The following ANTXR2 variants were observed in gnomAD, a reference collection of about 807,000 sequenced individuals.
ANTXR2 encodes anthrax toxin receptor 2.
In ANTXR2, 44 loss-of-function variants were observed where a neutral mutation model predicts 73.7. The ratio of observed to expected loss-of-function variants is 0.60; its 90% confidence interval spans 0.47 to 0.77. ANTXR2 has a LOEUF of 0.77. ANTXR2 is among the 30% of genes least tolerant of loss of function. The pLI is 0.00. For synonymous variants in ANTXR2, 217 were observed against 205.9 expected (o/e 1.05, Z -0.46); for missense variants, 604 against 592.5 (o/e 1.02, Z -0.20).
chr4:79,927,294 C>CCACACACACACACACACACACA (rs112013307), intron 16 of ANTXR2, among the ~76,000 whole-genome samples: 12 of 150,322 alleles, frequency 8.0e-5, no homozygotes, highest in South Asian at 4.2e-4. Context: ...GGAGCTCTTA[C>CCACACACACACACACACACACA]CACACACACA....
intron 12 of ANTXR2, among the ~76,000 whole-genome samples, chr4:80,004,084 A>G (rs1026658705): frequency 1.3e-5 from 2 of 152,114 alleles, no homozygotes; most frequent in African/African-American, 4.8e-5. Flanking sequence ...CAGTAAAAAC[A>G]GAGTGGACTA....
intron 16 of ANTXR2, among the ~76,000 whole-genome samples, chr4:79,951,597 A>AC (rs1560897144): frequency 1.3e-5 from 2 of 151,604 alleles, no homozygotes; most frequent in Admixed American, 6.6e-5. Context: ...ACAACAAAAA[A>AC]AAAAAAACAA....
At chr4:79,932,852 T>C (rs1303860209) in intron 16 of ANTXR2, among the ~76,000 whole-genome samples, 1 of 148,054 alleles carries the variant, frequency 6.8e-6, no homozygotes, top group Admixed American at 6.7e-5. Flanking sequence ...GAGAACTAGA[T>C]TAGTGAAGGA....
At chr4:80,033,948 C>T (rs1732830153) in intron 8 of ANTXR2, among the ~76,000 whole-genome samples, 1 of 152,048 alleles carries the variant, frequency 6.6e-6, no homozygotes, top group Non-Finnish European at 1.5e-5. Context: ...TCCCTACTCT[C>T]AGGTATTAAA....
chr4:79,944,835 G>T (rs549163514), intron 16 of ANTXR2, among the ~76,000 whole-genome samples: 1 of 152,188 alleles, frequency 6.6e-6, no homozygotes, highest in Admixed American at 6.6e-5. Flanking sequence ...TAGAGTTTGA[G>T]CTTTCAGCAT....
chr4:79,998,772 T>C (rs887335229), intron 12 of ANTXR2, among the ~76,000 whole-genome samples: 2 of 152,026 alleles, frequency 1.3e-5, no homozygotes, highest in African/African-American at 4.8e-5. Context: ...CTTAAACAGA[T>C]GTTAAGACAT....
intron 16 of ANTXR2, among the ~76,000 whole-genome samples, chr4:79,915,697 G>A (rs184365564): frequency 8.6e-5 from 13 of 151,978 alleles, no homozygotes; most frequent in Admixed American, 7.2e-4. Context: ...ACTGATATAA[G>A]GAGAGACTTG....
At chr4:80,014,920 TC>T (rs1731769395) in intron 11 of ANTXR2, among the ~76,000 whole-genome samples, 1 of 152,214 alleles carries the variant, frequency 6.6e-6, no homozygotes, top group Non-Finnish European at 1.5e-5. Flanking sequence ...TTGAAAATTC[TC>T]CAACCTTTTG....
chr4:80,046,785 T>G (rs1318883507), intron 7 of ANTXR2, among the ~76,000 whole-genome samples: 1 of 151,778 alleles, frequency 6.6e-6, no homozygotes, highest in Non-Finnish European at 1.5e-5. Flanking sequence ...ACCATACCCA[T>G]TTTGGTAATA....
chr4:80,040,745 GAC>G (rs572751834), intron 7 of ANTXR2, among the ~76,000 whole-genome samples: 7 of 91,008 alleles, frequency 7.7e-5, no homozygotes, highest in Non-Finnish European at 1.3e-4. Context: ...CGCATGCATA[GAC>G]ACACACACAC....
intron 12 of ANTXR2, among the ~76,000 whole-genome samples, chr4:80,001,010 C>T (rs1202533622): frequency 1.3e-5 from 2 of 151,974 alleles, no homozygotes; most frequent in Non-Finnish European, 2.9e-5. Flanking sequence ...AAATTGTAAA[C>T]CCGTCTCTTC....
At chr4:79,981,231 T>C (rs1729876043) in intron 14 of ANTXR2, among the ~76,000 whole-genome samples, 1 of 152,216 alleles carries the variant, frequency 6.6e-6, no homozygotes, top group Non-Finnish European at 1.5e-5. Flanking sequence ...TGTATTTTTA[T>C]ATACAGGTTG....
At chr4:79,917,964 C>A (rs1727421411) in intron 16 of ANTXR2, among the ~76,000 whole-genome samples, 1 of 151,382 alleles carries the variant, frequency 6.6e-6, no homozygotes, top group Non-Finnish European at 1.5e-5. Context: ...GCAAAAAAGG[C>A]AGGTAACATG....
At chr4:80,023,404 G>A (rs1401456603) in intron 10 of ANTXR2, among the ~76,000 whole-genome samples, 1 of 152,124 alleles carries the variant, frequency 6.6e-6, no homozygotes, top group Non-Finnish European at 1.5e-5. Context: ...TTTATTACTA[G>A]TTAATTAAAT....
Position 80,025,594 on chromosome 4 carries a change from A to G in ANTXR2, c.866+6029T>C, listed in dbSNP as rs372314142. ...GTTATTACAATTATGGTGACTTAAG[A>G]TATTTTGAAATCAAGTGATACTATT... is the stretch of plus-strand genomic sequence containing the variant. On this transcript the variant is annotated intron_variant, in intron 10 of 16. Transcript: ENST00000403729. 1.4e-4 allele frequency among the ~76,000 whole-genome samples: 21 copies of G among 152,310 alleles called. No individual in the cohort carries two copies. The East Asian group carries it at 3.7e-3, about 27-fold the overall frequency.
At chr4:80,060,439 C>G (rs1019459707) in intron 3 of ANTXR2, among the ~76,000 whole-genome samples, 20 of 152,116 alleles carry the variant, frequency 1.3e-4, no homozygotes, top group African/African-American at 4.6e-4. Context: ...TTTTGCCAGT[C>G]ATTGCTTCTG....
chr4:79,983,065 T>C (rs1449879818), intron 14 of ANTXR2, among the ~76,000 whole-genome samples: 1 of 152,068 alleles, frequency 6.6e-6, no homozygotes, highest in African/African-American at 2.4e-5. Context: ...CGTGCAACAA[T>C]GGTAAAATGC....
At chr4:80,000,791 A>G (rs1219700081) in intron 12 of ANTXR2, among the ~76,000 whole-genome samples, 1 of 152,122 alleles carries the variant, frequency 6.6e-6, no homozygotes, top group Non-Finnish European at 1.5e-5. Flanking sequence ...TTTCACAGAC[A>G]CAGTAATTAG....
In ANTXR2 at chr4:80,033,514, T is replaced by A; in HGVS notation, c.754A>T (p.Ser252Cys). 1 of 1,600,848 alleles carries A rather than the reference T, an allele frequency of 6.2e-7. No homozygotes were observed. The highest frequency in any genetic ancestry group is 8.5e-7 in the Non-Finnish European group (1 of 1,175,180). The change falls in exon 9 of 17, where the codon AGT becomes TGT. Residue 252 changes from serine to cysteine, a missense_variant. Ser to Cys is a moderately radical substitution (Grantham distance 112). Coordinates refer to ENST00000403729, the MANE Select transcript of ANTXR2 (RefSeq NM_058172.6). Reference protein sequence around the residue: ...RGFMLGSRNGSVLCTYTVNET... With the variant: ...RGFMLGSRNGCVLCTYTVNET... ...TTTACAGTGTAAGTGCAGAGAACAC[T>A]GCCATTCCGACTGCCCAGCATGAAT...
Sources: gnomAD v4.1 joint callset for allele counts (sites outside exome capture counted in the v4.1 genomes callset) on GRCh38, gnomAD v4.1.1 for gene constraint, MANE v1.5 for transcripts, NCBI Gene and HGNC (gene_info 2026-07-23, HGNC 2026-07-21) for gene names.